Variants in TLK1 observed in about 807,000 individuals in gnomAD.
The protein encoded by TLK1 is tousled like kinase 1, also known as serine/threonine-protein kinase tousled-like 1.
Under a neutral mutation model 105.3 loss-of-function variants are expected in TLK1, and 24 were observed. That is an observed-to-expected ratio of 0.23 (90% confidence interval 0.17 to 0.32). The LOEUF is 0.32. TLK1 is among the 10% of genes least tolerant of loss of function. The pLI, the probability that TLK1 is intolerant of heterozygous loss-of-function variation, is 1.00. For synonymous variants in TLK1, 321 were observed against 310.4 expected (o/e 1.03, Z -0.36); for missense variants, 558 against 910.5 (o/e 0.61, Z 4.98).
At chr2:171,024,210 GTTCTA>G (rs1685669466) in intron 12 of TLK1, among the ~76,000 whole-genome samples, 1 of 152,070 alleles carries the variant, frequency 6.6e-6, no homozygotes, top group East Asian at 1.9e-4. Context: ...TTACTATATA[GTTCTA>G]TTCTAAGAAT....
At chr2:171,035,967 C>T (rs1338135526) in intron 11 of TLK1, among the ~76,000 whole-genome samples, 3 of 152,160 alleles carry the variant, frequency 2.0e-5, no homozygotes, top group South Asian at 2.1e-4. Context: ...GGTCCGTGAT[C>T]GCTAAAACGG....
Position 171,177,207 on chromosome 2 carries a change from T to A in TLK1, c.-6+53938A>T, listed in dbSNP as rs191395378. 1.2e-3 allele frequency among the ~76,000 whole-genome samples: 178 copies of A among 152,242 alleles called. 1 individual carries two copies. Among genetic ancestry groups the A allele is most frequent in the Non-Finnish European group, 2.1e-3 (140 of 68,016 alleles). On this transcript the variant is annotated intron_variant, in intron 1 of 20. Coordinates refer to the TLK1 transcript ENST00000521943. ...CCCAGGCTGGAGTGCCGTGGCCCGA[T>A]CACAGCTCACTGCAGCCTTGACCTC...
At chr2:171,021,433 C>CTTTTTTTTTTTTTTTTTTTTTTTTTTTTT (rs531522490) in intron 12 of TLK1, among the ~76,000 whole-genome samples, 2 of 116,842 alleles carry the variant, frequency 1.7e-5, no homozygotes, top group Admixed American at 8.8e-5. Context: ...CCCGCCCCGA[C>CTTTTTTTTTTTTTTTTTTTTTTTTTTTTT]TTTTTTTTTT....
At chr2:171,177,262 C>T (rs957687896) in intron 1 of TLK1, among the ~76,000 whole-genome samples, 11 of 152,172 alleles carry the variant, frequency 7.2e-5, no homozygotes, top group East Asian at 5.8e-4. Context: ...CCATATCAGT[C>T]TCCAGAGTAG....
intron 1 of TLK1, among the ~76,000 whole-genome samples, chr2:171,223,827 G>A (rs915022037): frequency 3.4e-5 from 5 of 147,892 alleles, no homozygotes; most frequent in African/African-American, 1.3e-4. Flanking sequence ...CTATTGAGTT[G>A]TTTGAGCTCC....
chr2:171,118,140 G>T (rs997839077), intron 1 of TLK1, among the ~76,000 whole-genome samples: 5 of 152,070 alleles, frequency 3.3e-5, no homozygotes, highest in African/African-American at 1.2e-4. Flanking sequence ...AAGTTTCACA[G>T]AATACCAAAT....
chr2:171,180,896 A>G (rs1692917856), intron 1 of TLK1, among the ~76,000 whole-genome samples: 3 of 151,506 alleles, frequency 2.0e-5, no homozygotes, highest in African/African-American at 7.3e-5. Context: ...GAGAAGTAAA[A>G]CTATAGGTCT....
chr2:171,049,249 C>T (rs894683620), intron 10 of TLK1, among the ~76,000 whole-genome samples: 3 of 152,040 alleles, frequency 2.0e-5, no homozygotes, highest in Non-Finnish European at 2.9e-5. Flanking sequence ...CCTGTAACAA[C>T]CTGCATATAT....
chr2:171,014,798 G>T, intron 13 of TLK1, 53 bp downstream of exon 13: 1 of 1,264,186 alleles, frequency 7.9e-7, no homozygotes, highest in Non-Finnish European at 1.2e-6. Context: ...GCTCTATGGG[G>T]GGCGGGGGTA....
At chr2:171,195,256 C>A (rs938025917) in intron 1 of TLK1, among the ~76,000 whole-genome samples, 1 of 152,128 alleles carries the variant, frequency 6.6e-6, no homozygotes, top group South Asian at 2.1e-4. Flanking sequence ...GTAATCCCAG[C>A]ACTTTGGAAG....
chr2:171,016,939 A>G (rs1167961638), intron 12 of TLK1, among the ~76,000 whole-genome samples: 1 of 152,186 alleles, frequency 6.6e-6, no homozygotes, highest in Non-Finnish European at 1.5e-5. Flanking sequence ...TTCTACAAGT[A>G]TTGGGAGATT....
intron 1 of TLK1, among the ~76,000 whole-genome samples, chr2:171,141,757 GAAAA>G (rs1015935815): frequency 6.7e-6 from 1 of 149,038 alleles, no homozygotes; most frequent in Non-Finnish European, 1.5e-5. Context: ...GAATAAAAAT[GAAAA>G]AAAAGCATTA....
At chr2:171,117,314 T>C (rs907007939) in intron 2 of TLK1, among the ~76,000 whole-genome samples, 19 of 152,200 alleles carry the variant, frequency 1.2e-4, no homozygotes, top group African/African-American at 4.3e-4. Flanking sequence ...CTCCTGCCGC[T>C]CACCTCCTGC....
At chr2:171,182,200 T>C (rs957306085) in intron 1 of TLK1, among the ~76,000 whole-genome samples, 1 of 152,162 alleles carries the variant, frequency 6.6e-6, no homozygotes, top group Admixed American at 6.5e-5. Flanking sequence ...TAATAAAAAT[T>C]GAGAAAAAGC....
chr2:171,025,778 ATT>A (rs902557227), intron 12 of TLK1, among the ~76,000 whole-genome samples: 5 of 152,188 alleles, frequency 3.3e-5, no homozygotes, highest in African/African-American at 9.6e-5. Context: ...CAAATAACTT[ATT>A]TTTATACATG....
intron 10 of TLK1, among the ~76,000 whole-genome samples, chr2:171,048,200 C>T (rs1022103732): frequency 4.8e-5 from 2 of 41,888 alleles, no homozygotes; most frequent in Non-Finnish European, 2.1e-4. Context: ...CCTCCCAACT[C>T]GGCCTCCCAA....
At chr2:171,142,009 G>A (rs547942949) in intron 1 of TLK1, among the ~76,000 whole-genome samples, 13 of 152,210 alleles carry the variant, frequency 8.5e-5, no homozygotes, top group African/African-American at 2.6e-4. Context: ...ATGTAATTCT[G>A]GAGAGGGAAA....
At chr2:171,108,765 G>A (rs1169370313) in intron 2 of TLK1, among the ~76,000 whole-genome samples, 3 of 151,888 alleles carry the variant, frequency 2.0e-5, no homozygotes, top group African/African-American at 4.8e-5. Flanking sequence ...CACCACGCCC[G>A]GCTAATGTTT....
intron 1 of TLK1, among the ~76,000 whole-genome samples, chr2:171,118,466 G>A (rs776833269): frequency 6.6e-6 from 1 of 151,882 alleles, no homozygotes; most frequent in Admixed American, 6.6e-5. Context: ...TTTTTTGTAC[G>A]GTTGATAGTT....
Sources: allele counts gnomAD v4.1 joint callset (sites outside exome capture counted in the v4.1 genomes callset), GRCh38; gene constraint gnomAD v4.1.1; transcripts MANE v1.5; gene names NCBI Gene and HGNC (gene_info 2026-07-23, HGNC 2026-07-21).